PTGES3: variants seen among roughly 807,000 people sequenced by gnomAD.
PTGES3 encodes the protein prostaglandin E synthase 3.
PTGES3 carries 5 observed loss-of-function variants against 29.9 expected under a neutral mutation model. The observed-to-expected ratio is 0.17, with a 90% CI of 0.09 to 0.35. The LOEUF (loss-of-function observed/expected upper bound fraction) is 0.35, where lower values mean the gene tolerates loss of function less well. Among genes scored for constraint, PTGES3 ranks in the 10% least tolerant of loss-of-function variants. The pLI, the probability that PTGES3 is intolerant of heterozygous loss-of-function variation, is 1.00. For missense variants in PTGES3, 128 were observed against 190.0 expected, an observed-to-expected ratio of 0.67 and a Z score of 1.92; for synonymous variants, 49 against 57.8, an observed-to-expected ratio of 0.85 and a Z score of 0.69.
At chr12:56,687,795 G>A (rs1048673980) in intron 1 of PTGES3, 22 of 1,432,722 alleles carry the variant, frequency 1.5e-5, no homozygotes, top group East Asian at 2.8e-5. Context: ...GAACGGTTCA[G>A]GGGTGGGGGA....
At chr12:56,679,504 G>A (rs572241777) in intron 1 of PTGES3, among the ~76,000 whole-genome samples, 3 of 152,038 alleles carry the variant, frequency 2.0e-5, no homozygotes, top group East Asian at 3.9e-4. Context: ...GTATGCAGAG[G>A]TGGAAAGTTT....
chr12:56,677,809 C>T (rs902689350), intron 1 of PTGES3, among the ~76,000 whole-genome samples: 1 of 152,036 alleles, frequency 6.6e-6, no homozygotes, highest in African/African-American at 2.4e-5. Flanking sequence ...TAATAGTTTG[C>T]TTAGTGTCTT....
intron 5 of PTGES3, among the ~76,000 whole-genome samples, chr12:56,667,961 A>G (rs1385244983): frequency 6.6e-6 from 1 of 152,136 alleles, no homozygotes. Context: ...TACAAAAATT[A>G]GCCGGGCATG....
chr12:56,673,421 G>A (rs1181081525), intron 1 of PTGES3, among the ~76,000 whole-genome samples: 1 of 145,726 alleles, frequency 6.9e-6, no homozygotes, highest in African/African-American at 2.6e-5. Context: ...CTTGAGGCCA[G>A]GAGAGCTAGA....
At chr12:56,684,194 G>T (rs1422902431) in intron 1 of PTGES3, among the ~76,000 whole-genome samples, 1 of 151,854 alleles carries the variant, frequency 6.6e-6, no homozygotes, top group African/African-American at 2.4e-5. Flanking sequence ...CTAACCACAA[G>T]ACCCAAAAAT....
At chr12:56,687,066 G>T in intron 1 of PTGES3, 1 of 450,892 alleles carries the variant, frequency 2.2e-6, no homozygotes, top group Non-Finnish European at 3.5e-6. Context: ...GTACGCGGCA[G>T]TGCCAAGAAT....
At chr12:56,677,885 T>C (rs1170535869) in intron 1 of PTGES3, among the ~76,000 whole-genome samples, 2 of 152,184 alleles carry the variant, frequency 1.3e-5, no homozygotes, top group Non-Finnish European at 2.9e-5. Context: ...TGTGAGTTCC[T>C]CCATGGGGCC....
intron 5 of PTGES3, among the ~76,000 whole-genome samples, chr12:56,669,393 C>T (rs1951911956): frequency 6.6e-6 from 1 of 152,094 alleles, no homozygotes; most frequent in African/African-American, 2.4e-5. Context: ...ACGCGATTCT[C>T]CTGCCTCAGC....
rs1365212616 is a variant in PTGES3 at position 56,676,145 on chromosome 12, G to GGAGGTGGAGGTGGAGGT, written c.3-3081_3-3080insACCTCCACCTCCACCTC. 2.7e-3 allele frequency among the ~76,000 whole-genome samples: 372 copies of GGAGGTGGAGGTGGAGGT among 138,370 alleles called. 3 individuals carry two copies. Among genetic ancestry groups the GGAGGTGGAGGTGGAGGT allele is most frequent in the African/African-American group, 1.0e-2 (352 of 35,326 alleles). The allele number at this position is 138,370 out of a possible 152,430, so 90.8% of individuals were successfully genotyped here. On this transcript the variant is annotated intron_variant, in intron 1 of 7. Transcript: ENST00000262033. ...GGAGGCTGGGAGGGGGAGGGGGAGG[G>GGAGGTGGAGGTGGAGGT]GGAGGTGGAGGTGGAGGTTGCGGTA...
Position 56,675,117 on chromosome 12 carries a change from T to G in PTGES3, c.3-2052A>C, listed in dbSNP as rs971078996. ...GAGTTCGAGACCAGCCTGGCCAATATAGTAAAACCCCGTCTCTACTAAAAT... is the reference window on the plus strand; with the variant it reads ...GAGTTCGAGACCAGCCTGGCCAATAGAGTAAAACCCCGTCTCTACTAAAAT... On this transcript the variant is annotated intron_variant, in intron 1 of 7. Transcript: ENST00000262033. Among the ~76,000 whole-genome samples, 7 of 149,378 alleles carry G rather than the reference T, an allele frequency of 4.7e-5. No homozygotes were observed. In the East Asian group the frequency reaches 9.9e-4, roughly 21 times the overall value.
At chr12:56,686,091 C>A (rs1952832851) in intron 1 of PTGES3, among the ~76,000 whole-genome samples, 1 of 132,840 alleles carries the variant, frequency 7.5e-6, no homozygotes, top group Non-Finnish European at 1.6e-5. Flanking sequence ...TACTTTTCAC[C>A]CAAGTTTTTA....
At chr12:56,683,973 A>C (rs1451715710) in intron 1 of PTGES3, among the ~76,000 whole-genome samples, 1 of 141,746 alleles carries the variant, frequency 7.1e-6, no homozygotes, top group Non-Finnish European at 1.6e-5. Context: ...AAAAAAAAAC[A>C]AAAAAAACAA....
In PTGES3 at chr12:56,664,408, A is replaced by G; in HGVS notation, c.*71T>C. On this transcript the variant is annotated 3_prime_UTR_variant, in exon 8 of 8. Coordinates refer to ENST00000262033, the MANE Select transcript of PTGES3 (RefSeq NM_006601.7). Reference sequence around the variant, plus strand: ...TGCCTTTAGAGCTATCAACTCAGGAATTCTCTCAATTATGAAATCTTGCAG... The same window carrying G: ...TGCCTTTAGAGCTATCAACTCAGGAGTTCTCTCAATTATGAAATCTTGCAG... 2 of 1,498,434 alleles carry G rather than the reference A, an allele frequency of 1.3e-6. No homozygotes were observed. The highest frequency in any genetic ancestry group is 1.8e-6 in the Non-Finnish European group (2 of 1,092,416). 92.8% of individuals were successfully genotyped at this position (1,498,434 alleles called of 1,614,324 possible).
At chr12:56,687,738 G>T in intron 1 of PTGES3, 1 of 1,366,024 alleles carries the variant, frequency 7.3e-7, no homozygotes, top group Non-Finnish European at 9.4e-7. Flanking sequence ...GAGTAACCCA[G>T]ACAGCCAAAG....
intron 5 of PTGES3, 113 bp downstream of exon 5, chr12:56,670,157 TAAAAA>T (rs1951948020): frequency 1.5e-6 from 1 of 663,028 alleles, no homozygotes; most frequent in Non-Finnish European, 2.7e-6. Context: ...AAAATGGTCT[TAAAAA>T]TAAAATAACA....
intron 1 of PTGES3, among the ~76,000 whole-genome samples, chr12:56,676,663 G>A (rs1235135553): frequency 6.6e-6 from 1 of 152,068 alleles, no homozygotes; most frequent in Non-Finnish European, 1.5e-5. Flanking sequence ...GTGGGTATGC[G>A]TGGTGGTTCA....
At position 56,675,800 on chromosome 12, in the gene PTGES3, GT is replaced by G. The variant is rs953217733; in HGVS notation, c.3-2736del. On this transcript the variant is annotated intron_variant, in intron 1 of 7. Coordinates refer to ENST00000262033, the MANE Select transcript of PTGES3 (RefSeq NM_006601.7). ...TAGCTGGGTGTGGTGATGGGCACCT[GT>G]AATCCCAGCTACTCAGGATGCTGCA... Among the ~76,000 whole-genome samples, 16 of 152,060 alleles carry G rather than the reference GT, an allele frequency of 1.1e-4. 2 individuals are homozygous for G.
chr12:56,683,756 G>A (rs1360428594), intron 1 of PTGES3, among the ~76,000 whole-genome samples: 3 of 151,542 alleles, frequency 2.0e-5, no homozygotes, highest in Admixed American at 6.6e-5. Context: ...TCAGGAGATC[G>A]AGACCATTCT....
In PTGES3 at chr12:56,672,829, AAG is replaced by A; in HGVS notation, c.117-22_117-21del. On this transcript the variant is annotated intron_variant, in intron 2 of 7. Coordinates refer to ENST00000262033, the MANE Select transcript of PTGES3 (RefSeq NM_006601.7). ...AGACAACTGTATAAAATAATAAAGA[AAG>A]AATTAAGCCTCTTCAAAGAGACAAA... is the stretch of plus-strand genomic sequence containing the variant. The A allele has an allele frequency of 1.3e-6, 2 of 1,568,438 alleles. No individual in the cohort carries two copies. Among genetic ancestry groups the A allele is most frequent in the Non-Finnish European group, 8.6e-7 (1 of 1,160,830 alleles).
Sources: gnomAD v4.1 joint callset for allele counts (sites outside exome capture counted in the v4.1 genomes callset) on GRCh38, gnomAD v4.1.1 for gene constraint, MANE v1.5 for transcripts, NCBI Gene and HGNC (gene_info 2026-07-23, HGNC 2026-07-21) for gene names.